SGCZ: variants seen among roughly 807,000 people sequenced by gnomAD.
SGCZ encodes the protein sarcoglycan zeta.
In SGCZ, 40 loss-of-function variants were observed where a neutral mutation model predicts 41.3. The ratio of observed to expected loss-of-function variants is 0.97; its 90% CI spans 0.75 to 1.26. The LOEUF (loss-of-function observed/expected upper bound fraction) is 1.26. Among genes scored for constraint, SGCZ ranks in the 50% most tolerant of loss-of-function variants. The pLI, the probability that SGCZ is intolerant of heterozygous loss-of-function variation, is 0.00. For missense variants in SGCZ, 552 were observed against 369.8 expected (o/e 1.49, Z -4.04); for synonymous variants, 206 against 137.5 (o/e 1.50, Z -3.49).
intron 4 of SGCZ, among the ~76,000 whole-genome samples, chr8:14,224,079 T>C (rs540913069): frequency 6.6e-6 from 1 of 152,328 alleles, no homozygotes; most frequent in Non-Finnish European, 1.5e-5. Context: ...AGCACATCTT[T>C]GACACTATTC....
At chr8:14,494,895 G>T (rs1801946420) in intron 2 of SGCZ, among the ~76,000 whole-genome samples, 1 of 152,122 alleles carries the variant, frequency 6.6e-6, no homozygotes, top group Non-Finnish European at 1.5e-5. Flanking sequence ...CTTATGTTAG[G>T]CATGAGAAGG....
At chr8:14,724,099 A>T (rs1457600358) in intron 1 of SGCZ, among the ~76,000 whole-genome samples, 1 of 152,186 alleles carries the variant, frequency 6.6e-6, no homozygotes, top group Non-Finnish European at 1.5e-5. Flanking sequence ...ATTATGATGT[A>T]AAACTAGTGT....
chr8:14,532,011 G>A (rs939762075), intron 2 of SGCZ, among the ~76,000 whole-genome samples: 1 of 152,040 alleles, frequency 6.6e-6, no homozygotes, highest in African/African-American at 2.4e-5. Flanking sequence ...TGTAAAAGTA[G>A]TTGATTTAAT....
intron 7 of SGCZ, among the ~76,000 whole-genome samples, chr8:14,099,824 A>G (rs1393295254): frequency 2.0e-5 from 3 of 152,200 alleles, no homozygotes; most frequent in Non-Finnish European, 4.4e-5. Flanking sequence ...TATTCTCCAT[A>G]CAATTACAAT....
intron 4 of SGCZ, among the ~76,000 whole-genome samples, chr8:14,204,110 T>G (rs902326056): frequency 6.6e-6 from 1 of 152,044 alleles, no homozygotes; most frequent in Non-Finnish European, 1.5e-5. Context: ...GAATCTGGGA[T>G]TGGTTTCGGA....
At chr8:15,037,867 C>G (rs940697032) in intron 1 of SGCZ, among the ~76,000 whole-genome samples, 1 of 151,862 alleles carries the variant, frequency 6.6e-6, no homozygotes, top group Admixed American at 6.6e-5. Context: ...GAAAACAATC[C>G]CATTTATAAT....
chr8:14,295,602 A>T (rs947431173), intron 3 of SGCZ, among the ~76,000 whole-genome samples: 1 of 152,180 alleles, frequency 6.6e-6, no homozygotes, highest in Non-Finnish European at 1.5e-5. Flanking sequence ...TGTAAAATGA[A>T]CTATAACTGA....
At chr8:14,539,189 C>G (rs147040476) in intron 2 of SGCZ, among the ~76,000 whole-genome samples, 1 of 152,088 alleles carries the variant, frequency 6.6e-6, no homozygotes, top group African/African-American at 2.4e-5. Flanking sequence ...ACTAAAGCAT[C>G]GTATCTTCCC....
intron 1 of SGCZ, among the ~76,000 whole-genome samples, chr8:14,620,780 C>T (rs1806258990): frequency 6.6e-6 from 1 of 152,250 alleles, no homozygotes; most frequent in Middle Eastern, 3.4e-3. Context: ...ATTAAAAAGT[C>T]AGGAAACAAC....
intron 1 of SGCZ, among the ~76,000 whole-genome samples, chr8:14,821,429 G>C (rs1011086340): frequency 6.6e-6 from 1 of 151,864 alleles, no homozygotes; most frequent in African/African-American, 2.4e-5. Context: ...AACTCTTCCA[G>C]AAAACTAAAG....
At chr8:15,174,899 G>C (rs1295143401) in intron 1 of SGCZ, among the ~76,000 whole-genome samples, 1 of 151,810 alleles carries the variant, frequency 6.6e-6, no homozygotes, top group Non-Finnish European at 1.5e-5. Flanking sequence ...CTGTTGGGAG[G>C]AGTGTAAATT....
intron 2 of SGCZ, among the ~76,000 whole-genome samples, chr8:14,399,309 A>G (rs923978359): frequency 1.3e-5 from 2 of 152,092 alleles, no homozygotes; most frequent in Non-Finnish European, 2.9e-5. Context: ...AGTAAATCCA[A>G]TTTCACTTCT....
chr8:15,021,206 A>G (rs1397722627), intron 1 of SGCZ, among the ~76,000 whole-genome samples: 1 of 152,240 alleles, frequency 6.6e-6, no homozygotes, highest in Non-Finnish European at 1.5e-5. Context: ...AACTGGTATC[A>G]ATTCCATGTA....
chr8:14,534,235 G>T (rs1462949129), intron 2 of SGCZ, among the ~76,000 whole-genome samples: 1 of 151,894 alleles, frequency 6.6e-6, no homozygotes. Flanking sequence ...GAGAAGAGCT[G>T]GCTGGCACAG....
chr8:14,265,846 A>T (rs6997468), intron 3 of SGCZ, among the ~76,000 whole-genome samples: 150,695 of 151,478 alleles, frequency 0.99, 74,964 homozygotes, highest in East Asian at 1. Context: ...AACGAAAAAT[A>T]CAGTAAAGAG....
chr8:14,192,486 T>C (rs1341835273), intron 4 of SGCZ, among the ~76,000 whole-genome samples: 1 of 151,908 alleles, frequency 6.6e-6, no homozygotes, highest in African/African-American at 2.4e-5. Flanking sequence ...GTCTTTGTTA[T>C]CTCCCAGAAT....
intron 2 of SGCZ, among the ~76,000 whole-genome samples, chr8:14,476,760 C>T (rs1198763216): frequency 6.6e-6 from 1 of 152,180 alleles, no homozygotes; most frequent in Non-Finnish European, 1.5e-5. Flanking sequence ...GAAGTTGTGA[C>T]AAGTTGGCTG....
intron 3 of SGCZ, among the ~76,000 whole-genome samples, chr8:14,316,735 G>A (rs1801728935): frequency 6.6e-6 from 1 of 151,234 alleles, no homozygotes; most frequent in South Asian, 2.1e-4. Context: ...AGTGCCCAAC[G>A]ATTCATTCCA....
chr8:14,832,051 A>T (rs1451003382), intron 1 of SGCZ, among the ~76,000 whole-genome samples: 4 of 152,336 alleles, frequency 2.6e-5, no homozygotes, highest in Non-Finnish European at 2.9e-5. Flanking sequence ...ATTAACAAAC[A>T]GAAAGCAGTT....
Sources: allele counts gnomAD v4.1 joint callset (sites outside exome capture counted in the v4.1 genomes callset), GRCh38; gene constraint gnomAD v4.1.1; transcripts MANE v1.5; gene names NCBI Gene and HGNC (gene_info 2026-07-23, HGNC 2026-07-21).